The following DNAH11 variants were observed in gnomAD, a reference collection of about 807,000 sequenced individuals.
DNAH11 encodes dynein axonemal heavy chain 11.
In DNAH11, 442 loss-of-function variants were observed where a neutral mutation model predicts 526.0. That is an observed-to-expected ratio of 0.84 (90% CI 0.78 to 0.91). The LOEUF (loss-of-function observed/expected upper bound fraction) is 0.91, where lower values mean the gene tolerates loss of function less well. Ranked by LOEUF, DNAH11 falls within the 40% of genes least tolerant of loss-of-function variation. The pLI, the probability that DNAH11 is intolerant of heterozygous loss-of-function variation, is 0.00. For synonymous variants in DNAH11, 2,461 were observed against 1,935.9 expected, an observed-to-expected ratio of 1.27 and a Z score of -7.12; for missense variants, 6,989 against 5,448.7, an observed-to-expected ratio of 1.28 and a Z score of -8.90.
chr7:21,817,183 T>C (rs1054802320), intron 64 of DNAH11, among the ~76,000 whole-genome samples: 25 of 152,274 alleles, frequency 1.6e-4, no homozygotes, highest in African/African-American at 6.0e-4. Context: ...CATGTCACTT[T>C]TGAGACCTGA....
chr7:21,738,799 G>C lies in DNAH11; in HGVS notation c.7744G>C (p.Glu2582Gln), dbSNP rs1156258713. 1 of 1,602,930 alleles carries C rather than the reference G, an allele frequency of 6.2e-7. No homozygotes were observed. The highest frequency in any genetic ancestry group is 1.3e-5 in the African/African-American group (1 of 74,784). The change falls in exon 47 of 82, where the codon GAA becomes CAA. Residue 2582 changes from glutamate to glutamine, a missense_variant. Glu to Gln is a conservative substitution (Grantham distance 29). Coordinates refer to ENST00000409508, the MANE Select transcript of DNAH11 (RefSeq NM_001277115.2). ...TTTTATCGACGACATGAACATGCCT[G>C]AAGTGGACTTATATGGCACCGTTCA... is the stretch of plus-strand genomic sequence containing the variant. ...IYFIDDMNMP[E>Q]VDLYGTVQPH...
rs180897552 is a variant in DNAH11, at chr7:21,683,823, C to T, written c.5500C>T (p.Arg1834Cys). The part of the protein sequence containing the change: ...PQAFTWLSQL[R>C]HRWEDTQKHC... Reference sequence around the variant, plus strand: ...AGCTTTTACATGGCTGTCTCAACTTCGTCACCGATGGGAGGATACCCAGAA... The same window carrying T: ...AGCTTTTACATGGCTGTCTCAACTTTGTCACCGATGGGAGGATACCCAGAA... Residue 1834 changes from arginine (R) to cysteine (C), a missense_variant, in exon 32 of 82, where the codon CGT becomes TGT. Transcript: ENST00000409508. 8 of 1,611,590 alleles carry T rather than the reference C, an allele frequency of 5.0e-6. No individual in the cohort carries two copies. Among genetic ancestry groups the T allele is most frequent in the East Asian group, 4.5e-5 (2 of 44,852 alleles).
intron 45 of DNAH11, among the ~76,000 whole-genome samples, chr7:21,734,425 C>A (rs1049008107): frequency 6.6e-6 from 1 of 152,080 alleles, no homozygotes; most frequent in Non-Finnish European, 1.5e-5. Flanking sequence ...AGATGCAGCT[C>A]GAATATTTTT....
rs754803477 is a variant in DNAH11 at position 21,655,863 on chromosome 7, G to C, written c.4976G>C (p.Ser1659Thr). ...TGTCACCTTGCCAAACTTTTCGACA[G>C]CATTGCAGATCTGCAGTTTGAAGAC... ...VTCHLAKLFD[S>T]IADLQFEDNQ... The change falls in exon 29 of 82, where the codon AGC (serine) becomes ACC (threonine). Residue 1659 changes from serine (S) to threonine (T), a missense_variant. Transcript: ENST00000409508. 6.2e-7 allele frequency: 1 copy of C among 1,613,178 alleles called. No homozygotes were observed. Among genetic ancestry groups the C allele is most frequent in the Non-Finnish European group, 8.5e-7 (1 of 1,179,490 alleles).
intron 65 of DNAH11, among the ~76,000 whole-genome samples, chr7:21,837,625 T>C (rs1782043833): frequency 6.6e-6 from 1 of 152,184 alleles, no homozygotes; most frequent in African/African-American, 2.4e-5. Context: ...AATTGCCCGT[T>C]GATCATTTTA....
intron 2 of DNAH11, among the ~76,000 whole-genome samples, chr7:21,550,550 T>C (rs985162406): frequency 3.4e-5 from 5 of 148,116 alleles, no homozygotes; most frequent in Admixed American, 3.3e-4. Flanking sequence ...GGGAGACATT[T>C]GGTTCAAGGC....
In DNAH11 at chr7:21,873,459, G is replaced by A. The variant is rs1332954066; in HGVS notation, c.12153G>A (p.Gly4051=). 6.2e-7 allele frequency: 1 copy of A among 1,613,970 alleles called. No individual in the cohort carries two copies. Residue 4051 remains glycine, a synonymous_variant, in exon 74 of 82, where the codon GGG becomes GGA. Coordinates refer to ENST00000409508, the MANE Select transcript of DNAH11 (RefSeq NM_001277115.2). ...SIKITNEPPT[G]MLANLHAALY... Reference sequence around the variant, plus strand: ...AGATCACTAATGAACCCCCAACAGGGATGCTGGCCAATTTGCATGCCGCCC... The same window carrying A: ...AGATCACTAATGAACCCCCAACAGGAATGCTGGCCAATTTGCATGCCGCCC...
intron 48 of DNAH11, among the ~76,000 whole-genome samples, chr7:21,740,537 C>T (rs2906687): frequency 0.71 from 108,513 of 152,088 alleles, 39,032 homozygotes; most frequent in Non-Finnish European, 0.76. Flanking sequence ...CATCCAGTTA[C>T]GGCATATTGC....
intron 43 of DNAH11, among the ~76,000 whole-genome samples, chr7:21,719,423 C>T (rs1784790250): frequency 6.6e-6 from 1 of 152,162 alleles, no homozygotes; most frequent in Non-Finnish European, 1.5e-5. Flanking sequence ...ATTTCAAGTA[C>T]TGTGGGAGAA....
intron 73 of DNAH11, among the ~76,000 whole-genome samples, chr7:21,871,239 A>C (rs1324308064): frequency 1.3e-5 from 2 of 152,244 alleles, no homozygotes; most frequent in Admixed American, 6.5e-5. Context: ...AAGGCTTGTG[A>C]ATTAACATAA....
At chr7:21,665,089 C>T (rs1010570141) in intron 30 of DNAH11, among the ~76,000 whole-genome samples, 1 of 151,858 alleles carries the variant, frequency 6.6e-6, no homozygotes, top group African/African-American at 2.4e-5. Flanking sequence ...TTATCTCTCT[C>T]TCTCTCTCTC....
In DNAH11 at chr7:21,810,706, G is replaced by A. The variant is rs187513254; in HGVS notation, c.10332+2657G>A. Among the ~76,000 whole-genome samples, 631 of 152,220 alleles carry A rather than the reference G, an allele frequency of 4.1e-3. 2 individuals are homozygous for A. The highest frequency in any genetic ancestry group is 6.1e-3 in the Non-Finnish European group (418 of 68,012). ...TACTCAAAGTCTAGGAGTAAAAAGA[G>A]AGGAAAGAGAATGCCAAATCTAGCC... On this transcript the variant is annotated intron_variant, in intron 63 of 81. Transcript: ENST00000409508.
chr7:21,570,277 T>G lies in DNAH11; in HGVS notation c.1403T>G (p.Leu468Arg). 1 of 1,606,568 alleles carries G rather than the reference T, an allele frequency of 6.2e-7. No individual in the cohort carries two copies. The highest frequency in any genetic ancestry group is 8.5e-7 in the Non-Finnish European group (1 of 1,177,856). ...HLVFCRFDKF[L>R]DRLIKIEDIF... ...GTGTTTTGCAGATTTGACAAGTTTC[T>G]TGATCGTTTAATAAAAATAGAGGTA... The change falls in exon 7 of 82, where the codon CTT becomes CGT. Residue 468 changes from leucine to arginine, a missense_variant. Coordinates refer to ENST00000409508, the MANE Select transcript of DNAH11 (RefSeq NM_001277115.2).
intron 57 of DNAH11, among the ~76,000 whole-genome samples, chr7:21,780,958 A>G (rs1787917745): frequency 6.6e-6 from 1 of 152,222 alleles, no homozygotes; most frequent in Admixed American, 6.5e-5. Context: ...TGCTCTGATG[A>G]AAATCCAGTA....
intron 2 of DNAH11, among the ~76,000 whole-genome samples, chr7:21,553,070 A>ATTTTTTTTTTTTTTTTTTTTTT (rs35121910): frequency 1.5e-5 from 1 of 66,784 alleles, no homozygotes; most frequent in African/African-American, 7.3e-5. Flanking sequence ...TATAAATGGG[A>ATTTTTTTTTTTTTTTTTTTTTT]TTTTTTTTTT....
intron 2 of DNAH11, among the ~76,000 whole-genome samples, chr7:21,556,207 G>T (rs1000390323): frequency 5.3e-5 from 8 of 152,092 alleles, no homozygotes; most frequent in Non-Finnish European, 1.0e-4. Flanking sequence ...CCCTTTTAGG[G>T]GCTGACCCAT....
rs776743900 is a variant in DNAH11 at position 21,588,084 on chromosome 7, T to C, written c.1731T>C (p.Asn577=). 1 of 1,613,264 alleles carries C rather than the reference T, an allele frequency of 6.2e-7. No individual in the cohort carries two copies. The highest frequency in any genetic ancestry group is 1.1e-5 in the South Asian group (1 of 91,014). ...TATAGCTTTTGACCATATTTGGAAA[T>C]TTTCTAGAGAAGCCAGTTGTCATGG... ...AAFKLLTIFG[N]FLEKPVVMEI... The change falls in exon 10 of 82, where the codon AAT becomes AAC. Residue 577 remains asparagine (N), a synonymous_variant. Transcript: ENST00000409508.
chr7:21,770,761 G>A (rs1787403800), intron 55 of DNAH11, among the ~76,000 whole-genome samples: 1 of 152,192 alleles, frequency 6.6e-6, no homozygotes, highest in Non-Finnish European at 1.5e-5. Context: ...AGAAGTACAG[G>A]AGGGTATGCA....
chr7:21,735,958 G>C (rs1337894360), intron 46 of DNAH11, 114 bp downstream of exon 46: 1 of 995,258 alleles, frequency 1.0e-6, no homozygotes, highest in African/African-American at 1.6e-5. Flanking sequence ...TGTTGCTTGG[G>C]CCTTAGATGA....
Sources: gnomAD v4.1 joint callset for allele counts (sites outside exome capture counted in the v4.1 genomes callset) on GRCh38, gnomAD v4.1.1 for gene constraint, MANE v1.5 for transcripts, NCBI Gene and HGNC (gene_info 2026-07-23, HGNC 2026-07-21) for gene names.